NHERF4: variants seen among roughly 807,000 people sequenced by gnomAD.
NHERF4 encodes NHERF family PDZ scaffold protein 4.
chr11:119,188,718 G>T, the NHERF4 span: 1 of 1,614,202 alleles, frequency 6.2e-7, no homozygotes, highest in Non-Finnish European at 8.5e-7. Flanking sequence ...AGCCTCACTG[G>T]TTGAGACAGA....
the NHERF4 span, chr11:119,187,553 T>G: frequency 6.2e-7 from 1 of 1,600,322 alleles, no homozygotes; most frequent in East Asian, 2.2e-5. Flanking sequence ...GCTTTTTTTT[T>G]TAATTTCTAG....
chr11:119,189,171 G>A, the NHERF4 span: 3 of 1,612,528 alleles, frequency 1.9e-6, no homozygotes, highest in African/African-American at 2.7e-5. This position sits in a 1 kb window ranked among gnomAD's most constrained non-coding sequence, Gnocchi z 5.8. Context: ...TCTCTGCGGG[G>A]CTTGGAAGCC....
At chr11:119,189,736 T>G in the NHERF4 span, 3 of 568,536 alleles carry the variant, frequency 5.3e-6, no homozygotes, top group South Asian at 4.0e-5. The surrounding 1 kb of genome is among the most constrained non-coding windows in gnomAD (Gnocchi z 5.8). Flanking sequence ...ATGGGAGTTT[T>G]AGAGAGCTGT....
At chr11:119,189,531 G>A in the NHERF4 span, 109 of 1,607,534 alleles carry the variant, frequency 6.8e-5, no homozygotes, top group African/African-American at 3.9e-4. The surrounding 1 kb of genome is among the most constrained non-coding windows in gnomAD (Gnocchi z 5.8). Context: ...AGGGGCTACC[G>A]TGTCTTCACT....
the NHERF4 span, chr11:119,188,940 C>G: frequency 6.2e-7 from 1 of 1,611,712 alleles, no homozygotes; most frequent in South Asian, 1.1e-5. Context: ...TGCTTCCCTC[C>G]CAGAGCCTAA....
At chr11:119,189,608 C>G in the NHERF4 span, 1 of 1,204,266 alleles carries the variant, frequency 8.3e-7, no homozygotes, top group Non-Finnish European at 1.2e-6. This position sits in a 1 kb window ranked among gnomAD's most constrained non-coding sequence, Gnocchi z 5.8. Flanking sequence ...CAGACACCAC[C>G]GATCACAGGC....
the NHERF4 span, chr11:119,185,614 G>C: frequency 9.0e-7 from 1 of 1,110,258 alleles, no homozygotes; most frequent in Non-Finnish European, 1.4e-6. Flanking sequence ...TTTGGGGCTT[G>C]GAGCCCTGAG....
chr11:119,186,041 G>A, the NHERF4 span: 1 of 1,610,770 alleles, frequency 6.2e-7, no homozygotes, highest in Non-Finnish European at 8.5e-7. The surrounding 1 kb of genome is among the most constrained non-coding windows in gnomAD (Gnocchi z 4.4). Context: ...GGAGATCCTG[G>A]GACCCAAGTC....
chr11:119,188,565 G>A, the NHERF4 span: 1 of 1,602,292 alleles, frequency 6.2e-7, no homozygotes, highest in Admixed American at 1.7e-5. Flanking sequence ...CGTGCTGAGG[G>A]GCAGGGGCTA....
the NHERF4 span, chr11:119,188,396 AAGGCTGGGATGC>A: frequency 7.7e-5 from 125 of 1,613,928 alleles, no homozygotes; most frequent in Middle Eastern, 5.0e-4. Flanking sequence ...GCCAGCCAAG[AAGGCTGGGATGC>A]AGGCTGGGGA....
chr11:119,187,431 G>A, the NHERF4 span: 1 of 1,614,102 alleles, frequency 6.2e-7, no homozygotes, highest in Non-Finnish European at 8.5e-7. Context: ...TGAAAGATGA[G>A]GGTGGTTTTG....
the NHERF4 span, chr11:119,187,788 T>C: frequency 4.1e-6 from 6 of 1,459,860 alleles, no homozygotes; most frequent in Non-Finnish European, 5.4e-6. Flanking sequence ...GCGCCTAACC[T>C]CCTTATCTGG....
chr11:119,185,859 T>G, the NHERF4 span: 1 of 1,607,986 alleles, frequency 6.2e-7, no homozygotes, highest in Non-Finnish European at 8.5e-7. Flanking sequence ...TTTATGCCAA[T>G]GGAAGAGGCA....
At chr11:119,187,121 CAA>C in the NHERF4 span, 1 of 607,790 alleles carries the variant, frequency 1.6e-6, no homozygotes, top group Non-Finnish European at 2.5e-6. Flanking sequence ...ACCTGGGCGA[CAA>C]GAGCAAAACT....
chr11:119,185,507 G>A, the NHERF4 span: 91 of 1,613,928 alleles, frequency 5.6e-5, 1 homozygote, highest in South Asian at 8.8e-4. Flanking sequence ...GGAGAAAGCC[G>A]CAGGTAGGAG....
the NHERF4 span, chr11:119,187,502 T>C: frequency 6.2e-7 from 1 of 1,612,792 alleles, no homozygotes; most frequent in East Asian, 2.2e-5. Context: ...ATGAGGGATC[T>C]CAGCCCCTGT....
the NHERF4 span, chr11:119,186,723 C>A: frequency 1.3e-6 from 2 of 1,557,176 alleles, no homozygotes; most frequent in Non-Finnish European, 1.7e-6. This position sits in a 1 kb window ranked among gnomAD's most constrained non-coding sequence, Gnocchi z 4.4. Flanking sequence ...CATGCTAGCA[C>A]CTCAGAAAGA....
the NHERF4 span, chr11:119,189,556 G>A: frequency 3.2e-6 from 5 of 1,552,818 alleles, no homozygotes; most frequent in African/African-American, 6.8e-5. The surrounding 1 kb of genome is among the most constrained non-coding windows in gnomAD (Gnocchi z 5.8). Context: ...AGCCTGAGGT[G>A]GTGAAGGCAG....
the NHERF4 span, chr11:119,188,307 G>C: frequency 1.2e-6 from 2 of 1,608,444 alleles, no homozygotes; most frequent in Non-Finnish European, 1.7e-6. Flanking sequence ...TGTGTACACA[G>C]TGGCCTAGGA....
Sources: allele counts gnomAD v4.1 joint callset, GRCh38; gene constraint gnomAD v4.1.1; non-coding constraint Gnocchi (gnomAD v3.1); transcripts MANE v1.5; gene names NCBI Gene and HGNC (gene_info 2026-07-23, HGNC 2026-07-21).